STXBP5L: variants seen among roughly 807,000 people sequenced by gnomAD.
STXBP5L encodes syntaxin-binding protein 5-like.
A neutral mutation model predicts 144.5 loss-of-function variants in STXBP5L; 65 were observed. That is an observed-to-expected ratio of 0.45 (90% CI 0.37 to 0.55). STXBP5L has a LOEUF of 0.55. Among genes scored for constraint, STXBP5L ranks in the 20% least tolerant of loss-of-function variants. The pLI is 0.00. For synonymous variants in STXBP5L, 505 were observed against 469.6 expected (o/e 1.08, Z -0.97); for missense variants, 1,298 against 1,405.5 (o/e 0.92, Z 1.22).
intron 3 of STXBP5L, among the ~76,000 whole-genome samples, chr3:121,029,147 A>G (rs774727419): frequency 1.3e-5 from 2 of 152,152 alleles, no homozygotes; most frequent in Admixed American, 6.6e-5. Context: ...TCAAGCTACC[A>G]CTGACTTTCT....
intron 3 of STXBP5L, among the ~76,000 whole-genome samples, chr3:120,995,567 ATTTTC>A (rs1268387797): frequency 1.3e-5 from 2 of 150,816 alleles, no homozygotes; most frequent in Admixed American, 1.3e-4. Context: ...GCTTTGTAGA[ATTTTC>A]TTAATGATTT....
chr3:121,025,440 T>C (rs1336396398), intron 3 of STXBP5L, among the ~76,000 whole-genome samples: 3 of 152,114 alleles, frequency 2.0e-5, no homozygotes, highest in Non-Finnish European at 2.9e-5. Flanking sequence ...ATAATGCAAA[T>C]ATTTTCTCTT....
At chr3:121,191,877 A>T (rs554547352) in intron 9 of STXBP5L, among the ~76,000 whole-genome samples, 213 of 145,072 alleles carry the variant, frequency 1.5e-3, no homozygotes, top group South Asian at 2.2e-3. Context: ...GTTCTCACTC[A>T]TAGGTGGGAA....
At chr3:121,078,994 G>A (rs1297622679) in intron 5 of STXBP5L, among the ~76,000 whole-genome samples, 1 of 152,232 alleles carries the variant, frequency 6.6e-6, no homozygotes, top group East Asian at 1.9e-4. Flanking sequence ...GCCCAGAAAG[G>A]GGCTCCCACA....
At chr3:121,334,148 T>C (rs771385716) in intron 20 of STXBP5L, among the ~76,000 whole-genome samples, 1 of 152,140 alleles carries the variant, frequency 6.6e-6, no homozygotes, top group Non-Finnish European at 1.5e-5. Flanking sequence ...TCCACCATGA[T>C]TGTGAAGCTT....
chr3:121,041,608 G>A (rs142788032), intron 3 of STXBP5L, 92 bp from the exon 4 acceptor site: 9 of 954,924 alleles, frequency 9.4e-6, no homozygotes, highest in African/African-American at 1.6e-5. Context: ...AAACCAAATA[G>A]CAAAACATCT....
At chr3:121,415,348 G>A (rs1175530798) in intron 24 of STXBP5L, among the ~76,000 whole-genome samples, 4 of 152,122 alleles carry the variant, frequency 2.6e-5, no homozygotes, top group African/African-American at 9.7e-5. Flanking sequence ...GAAAACAAAT[G>A]TACTTCACCC....
At chr3:121,206,969 TTAA>T (rs941411355) in intron 10 of STXBP5L, among the ~76,000 whole-genome samples, 3 of 152,194 alleles carry the variant, frequency 2.0e-5, no homozygotes, top group African/African-American at 7.2e-5. Flanking sequence ...CTAGTTTATA[TTAA>T]TAATATGAAC....
chr3:121,385,626 C>A (rs1365006128), intron 22 of STXBP5L, among the ~76,000 whole-genome samples: 3 of 152,102 alleles, frequency 2.0e-5, no homozygotes, highest in African/African-American at 7.2e-5. Context: ...TAATTAATAG[C>A]CATCATACTA....
intron 3 of STXBP5L, among the ~76,000 whole-genome samples, chr3:121,008,396 C>G (rs1559993354): frequency 6.6e-6 from 1 of 151,958 alleles, no homozygotes; most frequent in African/African-American, 2.4e-5. Flanking sequence ...ACTAATGTCT[C>G]TAGTGCAACA....
At chr3:121,282,341 A>C (rs1559933341) in intron 19 of STXBP5L, 1 of 1,610,512 alleles carries the variant, frequency 6.2e-7, no homozygotes. Flanking sequence ...TATCAGAGTA[A>C]GTTATATAAA....
intron 3 of STXBP5L, among the ~76,000 whole-genome samples, chr3:121,004,126 T>C (rs1212954362): frequency 6.6e-6 from 1 of 152,116 alleles, no homozygotes; most frequent in Non-Finnish European, 1.5e-5. Context: ...ACTGAATCTA[T>C]AAATTACCTT....
In STXBP5L at chr3:121,104,132, A is replaced by G. The variant is rs558522267; in HGVS notation, c.471-10793A>G. On this transcript the variant is annotated intron_variant, in intron 5 of 26. Transcript: ENST00000471454. ...ATATGAATTTATGACTGCTCATGAA[A>G]TCTTTTGACCATATATTTTTCTTGC... Among the ~76,000 whole-genome samples, 6 of 152,332 alleles carry G rather than the reference A, an allele frequency of 3.9e-5. No individual in the cohort carries two copies. In the South Asian group the frequency reaches 1.2e-3, roughly 32 times the overall value.
intron 10 of STXBP5L, among the ~76,000 whole-genome samples, chr3:121,216,027 T>C (rs950493891): frequency 1.3e-5 from 2 of 151,740 alleles, no homozygotes; most frequent in Non-Finnish European, 3.0e-5. Context: ...TCATGTGCTA[T>C]GTTTTTCAGC....
At chr3:121,027,817 T>C (rs1946062318) in intron 3 of STXBP5L, among the ~76,000 whole-genome samples, 3 of 152,074 alleles carry the variant, frequency 2.0e-5, no homozygotes. Flanking sequence ...GATCAGGACA[T>C]GGACATCTTC....
intron 4 of STXBP5L, 24 bp downstream of exon 4, chr3:121,041,805 T>C: frequency 6.8e-7 from 1 of 1,472,158 alleles, no homozygotes. Flanking sequence ...TTTGACTACT[T>C]AAATCACACA....
intron 3 of STXBP5L, among the ~76,000 whole-genome samples, chr3:121,025,139 G>C (rs531521683): frequency 6.6e-6 from 1 of 152,244 alleles, no homozygotes; most frequent in South Asian, 2.1e-4. Context: ...AGAAGTTAGA[G>C]AGGCCAAGAG....
chr3:121,286,831 GA>G (rs34265316), intron 19 of STXBP5L, among the ~76,000 whole-genome samples: 114,908 of 150,056 alleles, frequency 0.77, 43,952 homozygotes, highest in East Asian at 0.93. Flanking sequence ...ATCAAACAAT[GA>G]AAAAAAAAAA....
At chr3:121,298,567 A>T (rs1344259725) in intron 19 of STXBP5L, among the ~76,000 whole-genome samples, 1 of 152,224 alleles carries the variant, frequency 6.6e-6, no homozygotes, top group Non-Finnish European at 1.5e-5. Flanking sequence ...ATACAATGGA[A>T]TATTAGCCTT....
Sources: allele counts gnomAD v4.1 joint callset (sites outside exome capture counted in the v4.1 genomes callset), GRCh38; gene constraint gnomAD v4.1.1; transcripts MANE v1.5; gene names NCBI Gene and HGNC (gene_info 2026-07-23, HGNC 2026-07-21).